FBXL7: variants seen among roughly 807,000 people sequenced by gnomAD.
The protein encoded by FBXL7 is F-box and leucine rich repeat protein 7.
In FBXL7, 12 loss-of-function variants were observed where a neutral mutation model predicts 38.3. The observed-to-expected ratio is 0.31, with a 90% CI of 0.20 to 0.51. FBXL7 has a LOEUF of 0.51. FBXL7 is among the 20% of genes least tolerant of loss of function. FBXL7 has a pLI of 0.98. For missense variants in FBXL7, 567 were observed against 676.4 expected (o/e 0.84, Z 1.79); for synonymous variants, 297 against 300.9 (o/e 0.99, Z 0.13).
intron 1 of FBXL7, among the ~76,000 whole-genome samples, chr5:15,571,108 A>G (rs1396226511): frequency 2.0e-5 from 3 of 150,642 alleles, no homozygotes; most frequent in Non-Finnish European, 2.9e-5. Context: ...AAAAAAAAAA[A>G]AAGAAAAAAG....
At chr5:15,547,877 C>T (rs1446819505) in intron 1 of FBXL7, among the ~76,000 whole-genome samples, 1 of 152,148 alleles carries the variant, frequency 6.6e-6, no homozygotes, top group Non-Finnish European at 1.5e-5. Context: ...GAGGATTGTC[C>T]TTTGCTGGGG....
chr5:15,527,653 A>G (rs1005598804), intron 1 of FBXL7, among the ~76,000 whole-genome samples: 11 of 152,248 alleles, frequency 7.2e-5, no homozygotes, highest in Non-Finnish European at 5.9e-5. Context: ...CTACCCAGTA[A>G]TAATCACTGT....
chr5:15,701,606 G>A (rs1579389803), intron 2 of FBXL7, among the ~76,000 whole-genome samples: 2 of 152,128 alleles, frequency 1.3e-5, no homozygotes, highest in Non-Finnish European at 2.9e-5. Context: ...GTTGAATTGA[G>A]GAGATAGACA....
chr5:15,852,437 C>T (rs186932103), intron 2 of FBXL7, among the ~76,000 whole-genome samples: 2 of 152,296 alleles, frequency 1.3e-5, no homozygotes, highest in East Asian at 1.9e-4. Context: ...TGGCCCCAAA[C>T]TACCCTGGTG....
chr5:15,861,771 C>A (rs1410292118), intron 2 of FBXL7, among the ~76,000 whole-genome samples: 1 of 152,180 alleles, frequency 6.6e-6, no homozygotes, highest in African/African-American at 2.4e-5. Context: ...CTCTTCAGGT[C>A]ACCTGGTGCA....
intron 1 of FBXL7, among the ~76,000 whole-genome samples, chr5:15,609,143 C>T (rs1740133064): frequency 6.6e-6 from 1 of 152,194 alleles, no homozygotes; most frequent in Non-Finnish European, 1.5e-5. Context: ...GGTGATATAA[C>T]AGTGGCTGAT....
intron 1 of FBXL7, among the ~76,000 whole-genome samples, chr5:15,614,852 GTC>G (rs1740392452): frequency 6.6e-6 from 1 of 152,154 alleles, no homozygotes; most frequent in Non-Finnish European, 1.5e-5. Flanking sequence ...AGCAGGAAGG[GTC>G]TCTCTCCTCC....
chr5:15,635,430 G>C (rs1270462359), intron 2 of FBXL7, among the ~76,000 whole-genome samples: 1 of 152,152 alleles, frequency 6.6e-6, no homozygotes, highest in Non-Finnish European at 1.5e-5. Context: ...CTCTGAAATG[G>C]ACACAGCATC....
intron 2 of FBXL7, among the ~76,000 whole-genome samples, chr5:15,648,966 C>T (rs1741622452): frequency 2.0e-5 from 3 of 148,946 alleles, no homozygotes; most frequent in Admixed American, 1.3e-4. Flanking sequence ...CATTTCCTTT[C>T]CTGATCTACT....
chr5:15,889,264 C>T (rs967372657), intron 2 of FBXL7, among the ~76,000 whole-genome samples: 10 of 152,166 alleles, frequency 6.6e-5, no homozygotes, highest in African/African-American at 2.4e-4. Context: ...AGATCATTCT[C>T]CTCAGAAGTG....
chr5:15,681,854 G>T (rs1376330859), intron 2 of FBXL7, among the ~76,000 whole-genome samples: 1 of 152,160 alleles, frequency 6.6e-6, no homozygotes, highest in Non-Finnish European at 1.5e-5. Context: ...TAAGGAAATG[G>T]AATTTTATTT....
intron 2 of FBXL7, among the ~76,000 whole-genome samples, chr5:15,689,829 C>G (rs1934223493): frequency 6.6e-6 from 1 of 152,146 alleles, no homozygotes. Flanking sequence ...ATAACTGAAT[C>G]CAGGTTTGTC....
At chr5:15,798,529 C>T (rs1737474762) in intron 2 of FBXL7, among the ~76,000 whole-genome samples, 1 of 152,062 alleles carries the variant, frequency 6.6e-6, no homozygotes, top group South Asian at 2.1e-4. Context: ...TATATTTGTG[C>T]ATGTAAAAGA....
intron 1 of FBXL7, among the ~76,000 whole-genome samples, chr5:15,513,493 C>G (rs1204857667): frequency 6.6e-6 from 1 of 152,162 alleles, no homozygotes; most frequent in Non-Finnish European, 1.5e-5. Context: ...GAACAAAGGA[C>G]TTGGAATGGT....
At chr5:15,920,098 A>C (rs898431866) in intron 2 of FBXL7, among the ~76,000 whole-genome samples, 1 of 152,148 alleles carries the variant, frequency 6.6e-6, no homozygotes, top group Non-Finnish European at 1.5e-5. Flanking sequence ...CTCTACTACA[A>C]ATACAAAAAT....
chr5:15,796,411 T>C (rs951708348), intron 2 of FBXL7, among the ~76,000 whole-genome samples: 2 of 152,070 alleles, frequency 1.3e-5, no homozygotes, highest in Admixed American at 6.6e-5. Flanking sequence ...GATGGCAGAG[T>C]TGAATAGTTG....
At chr5:15,637,639 A>C (rs1274755451) in intron 2 of FBXL7, among the ~76,000 whole-genome samples, 1 of 152,192 alleles carries the variant, frequency 6.6e-6, no homozygotes, top group Non-Finnish European at 1.5e-5. Context: ...TAACTGCATT[A>C]CATATATTCA....
chr5:15,768,749 A>G (rs1736657053), intron 2 of FBXL7, among the ~76,000 whole-genome samples: 3 of 152,162 alleles, frequency 2.0e-5, no homozygotes, highest in Admixed American at 2.0e-4. Flanking sequence ...TGGTCCAGCC[A>G]GGGCTCCACT....
At chr5:15,629,630 T>C (rs1175911115) in intron 2 of FBXL7, among the ~76,000 whole-genome samples, 1 of 152,140 alleles carries the variant, frequency 6.6e-6, no homozygotes, top group Non-Finnish European at 1.5e-5. Context: ...CATGAGAGTT[T>C]TGTGTATGCT....
Sources: gnomAD v4.1 joint callset for allele counts (sites outside exome capture counted in the v4.1 genomes callset) on GRCh38, gnomAD v4.1.1 for gene constraint, MANE v1.5 for transcripts, NCBI Gene and HGNC (gene_info 2026-07-23, HGNC 2026-07-21) for gene names.